Variants in AMBRA1 observed in about 807,000 individuals in gnomAD.
AMBRA1 encodes autophagy and beclin 1 regulator 1.
A neutral mutation model predicts 125.4 loss-of-function variants in AMBRA1; 47 were observed. That is an observed-to-expected ratio of 0.37 (90% CI 0.30 to 0.48). The LOEUF is 0.48. AMBRA1 is among the 20% of genes least tolerant of loss of function. The pLI, the probability that AMBRA1 is intolerant of heterozygous loss-of-function variation, is 0.99. For missense variants in AMBRA1, 1,331 were observed against 1,693.4 expected (o/e 0.79, Z 3.76); for synonymous variants, 626 against 655.5 (o/e 0.95, Z 0.69).
At chr11:46,410,181 CAGAGCCCTAGAGGGCGCTGCTTA>C in intron 16 of AMBRA1, 72 bp downstream of exon 16, 2 of 1,149,522 alleles carry the variant, frequency 1.7e-6, no homozygotes, top group Non-Finnish European at 2.6e-6. Context: ...AGGAGGGACC[CAGAGCCCTAGAGGGCGCTGCTTA>C]AGAGCCCATC....
At chr11:46,443,731 G>T in intron 11 of AMBRA1, 133 bp from the exon 12 acceptor site, 1 of 713,518 alleles carries the variant, frequency 1.4e-6, no homozygotes. Flanking sequence ...GAAAGCTAAT[G>T]AGTCCCATCT....
At chr11:46,418,647 G>T (rs887602249) in intron 14 of AMBRA1, among the ~76,000 whole-genome samples, 1 of 151,832 alleles carries the variant, frequency 6.6e-6, no homozygotes, top group African/African-American at 2.4e-5. Flanking sequence ...GAGAACATGC[G>T]GTGTTTGGTT....
chr11:46,576,544 A>C (rs182521224), intron 1 of AMBRA1, among the ~76,000 whole-genome samples: 3 of 152,342 alleles, frequency 2.0e-5, no homozygotes, highest in African/African-American at 7.2e-5. Context: ...GAATGATCCC[A>C]GAAAGATAGT....
At chr11:46,541,510 C>A (rs1453495673) in intron 7 of AMBRA1, among the ~76,000 whole-genome samples, 1 of 152,082 alleles carries the variant, frequency 6.6e-6, no homozygotes, top group East Asian at 1.9e-4. Context: ...CAAAGCAATA[C>A]AATCAGCGAA....
chr11:46,571,862 G>A (rs1393235767), intron 1 of AMBRA1, among the ~76,000 whole-genome samples: 1 of 151,578 alleles, frequency 6.6e-6, no homozygotes, highest in African/African-American at 2.4e-5. Context: ...GCTAATTTTT[G>A]TGTTTTTAGT....
At chr11:46,495,132 A>AT (rs898053179) in intron 9 of AMBRA1, 24 of 152,390 alleles carry the variant, frequency 1.6e-4, no homozygotes, top group African/African-American at 5.5e-4. Flanking sequence ...GGAGCTTCAC[A>AT]TGTTTTAGTT....
intron 1 of AMBRA1, among the ~76,000 whole-genome samples, chr11:46,559,273 T>G (rs1171262413): frequency 2.6e-5 from 4 of 151,494 alleles, no homozygotes; most frequent in Non-Finnish European, 5.9e-5. Context: ...GTACTCCGCC[T>G]GGATGACAGA....
chr11:46,471,960 G>A (rs73466095), intron 11 of AMBRA1, among the ~76,000 whole-genome samples: 1,960 of 152,136 alleles, frequency 0.013, 51 homozygotes, highest in African/African-American at 0.044. Flanking sequence ...TTGTTGCCTC[G>A]TTTCACATCC....
rs545766312 is a variant in AMBRA1, at chr11:46,443,479, T to G, written c.2632+9A>C. 5.2e-5 allele frequency: 84 copies of G among 1,610,112 alleles called. 2 individuals are homozygous for G. In the South Asian group the frequency reaches 9.0e-4, roughly 17 times the overall value. On this transcript the variant is annotated intron_variant, in intron 12 of 17. Transcript: ENST00000683756. Reference sequence around the variant, plus strand: ...CTTCCACTGATACCCCCATTTGACATTGACTTACCATTACTGATTTCAGGG... The same window carrying G: ...CTTCCACTGATACCCCCATTTGACAGTGACTTACCATTACTGATTTCAGGG...
intron 1 of AMBRA1, among the ~76,000 whole-genome samples, chr11:46,562,642 G>A (rs2135243313): frequency 6.6e-6 from 1 of 152,272 alleles, no homozygotes. Context: ...TACTATATGT[G>A]TTATGTTTGC....
intron 11 of AMBRA1, among the ~76,000 whole-genome samples, chr11:46,485,095 G>A (rs1474369741): frequency 2.6e-5 from 4 of 151,836 alleles, no homozygotes; most frequent in African/African-American, 4.8e-5. Context: ...CTGCCACCAC[G>A]CCCGGCTAAT....
At chr11:46,463,832 G>C (rs1486077790) in intron 11 of AMBRA1, among the ~76,000 whole-genome samples, 1 of 152,172 alleles carries the variant, frequency 6.6e-6, no homozygotes, top group African/African-American at 2.4e-5. Flanking sequence ...GCTTCCCTCT[G>C]CAAGTTGGTA....
intron 1 of AMBRA1, among the ~76,000 whole-genome samples, chr11:46,581,797 CAAAAAAAAAAAA>C (rs1162857231): frequency 5.7e-5 from 4 of 69,956 alleles, no homozygotes; most frequent in Admixed American, 1.9e-4. Flanking sequence ...AAAACTCCAT[CAAAAAAAAAAAA>C]AAAAAAAAAA....
chr11:46,571,737 T>C lies in AMBRA1; in HGVS notation c.-121+22091A>G, dbSNP rs1334303945. Among the ~76,000 whole-genome samples the C allele has an allele frequency of 2.1e-5, 3 of 142,158 alleles. No individual in the cohort carries two copies. The East Asian group carries it at 6.5e-4, about 31-fold the overall frequency. 93.3% of individuals were successfully genotyped at this position (142,158 alleles called of 152,430 possible). On this transcript the variant is annotated intron_variant, in intron 1 of 17. Coordinates refer to ENST00000683756, the MANE Select transcript of AMBRA1 (RefSeq NM_001387011.1). ...AAAGTGTCCCTCTGTCGCCCCAGGC[T>C]GGAGTGCAGTGGCGTGATCTCAGCT... is the stretch of plus-strand genomic sequence containing the variant.
At chr11:46,419,167 G>A (rs1429902518) in intron 14 of AMBRA1, among the ~76,000 whole-genome samples, 4 of 152,162 alleles carry the variant, frequency 2.6e-5, no homozygotes, top group Admixed American at 1.3e-4. Flanking sequence ...ATAAATCACC[G>A]TTAAATTGAT....
intron 11 of AMBRA1, among the ~76,000 whole-genome samples, chr11:46,450,316 A>G (rs1378348586): frequency 6.6e-6 from 1 of 152,216 alleles, no homozygotes; most frequent in Non-Finnish European, 1.5e-5. Context: ...AAGGCTACAT[A>G]CTATAGGATT....
Position 46,468,577 on chromosome 11 carries a change from T to C in AMBRA1, c.2522-24979A>G, listed in dbSNP as rs370093434. ...ACTTTGGGAGGCTGAGGTGGGTGCA[T>C]CACAAGGTCAGGAGATCGAGACCAT... On this transcript the variant is annotated intron_variant, in intron 11 of 17. Transcript: ENST00000683756. Among the ~76,000 whole-genome samples the C allele has an allele frequency of 3.1e-4, 47 of 150,778 alleles. No individual in the cohort carries two copies. In the East Asian group the frequency reaches 8.9e-3, roughly 28 times the overall value.
chr11:46,553,447 CAAGAA>C (rs2135211457), intron 1 of AMBRA1, among the ~76,000 whole-genome samples: 1 of 152,026 alleles, frequency 6.6e-6, no homozygotes, highest in South Asian at 2.1e-4. Context: ...GATTTCACAG[CAAGAA>C]AACACCAAGT....
chr11:46,521,516 G>A lies in AMBRA1; in HGVS notation c.2073-8703C>T, dbSNP rs778142044. Among the ~76,000 whole-genome samples the A allele has an allele frequency of 3.9e-5, 6 of 152,380 alleles. No homozygotes were observed. In the South Asian group the frequency reaches 8.3e-4, roughly 21 times the overall value. ...TCTGAATCTTACTCTGCAACTCCCC[G>A]ATCTCTGCCTTGGCGCATGCCTGGG... On this transcript the variant is annotated intron_variant, in intron 7 of 17. Coordinates refer to ENST00000683756, the MANE Select transcript of AMBRA1 (RefSeq NM_001387011.1).
Sources: allele counts gnomAD v4.1 joint callset (sites outside exome capture counted in the v4.1 genomes callset), GRCh38; gene constraint gnomAD v4.1.1; transcripts MANE v1.5; gene names NCBI Gene and HGNC (gene_info 2026-07-23, HGNC 2026-07-21).